The following MINK1 variants were observed in gnomAD, a reference collection of about 807,000 sequenced individuals.
MINK1 encodes the protein misshapen-like kinase 1.
MINK1 carries 46 observed loss-of-function variants against 178.4 expected under a neutral mutation model. The ratio of observed to expected loss-of-function variants is 0.26; its 90% CI spans 0.20 to 0.33. The LOEUF (loss-of-function observed/expected upper bound fraction) is 0.33. MINK1 is among the 10% of genes least tolerant of loss of function. The pLI is 1.00. For synonymous variants in MINK1, 797 were observed against 709.7 expected (o/e 1.12, Z -1.96); for missense variants, 1,366 against 1,814.9 (o/e 0.75, Z 4.49).
chr17:4,859,638 A>G (rs935550665), intron 1 of MINK1, among the ~76,000 whole-genome samples: 3 of 151,994 alleles, frequency 2.0e-5, no homozygotes, highest in African/African-American at 7.3e-5. Flanking sequence ...AAATACAAAA[A>G]TTAGCTGGGT....
intron 1 of MINK1, among the ~76,000 whole-genome samples, chr17:4,848,203 G>A (rs1911332015): frequency 6.6e-6 from 1 of 152,200 alleles, no homozygotes; most frequent in Non-Finnish European, 1.5e-5. Context: ...TGTGAAGACA[G>A]GGAATTGTTC....
rs1309421812 is a variant in MINK1, at chr17:4,895,041, A to C, written c.2918-34A>C. On this transcript the variant is annotated intron_variant, in intron 24 of 31. Coordinates refer to ENST00000355280, the MANE Select transcript of MINK1 (RefSeq NM_153827.5). The surrounding 1 kb of genome is among the most constrained non-coding windows in gnomAD (Gnocchi z 4.3). ...AAAAAGAGATGGGGTGAGAAGCTGC[A>C]GCCCCTCCTCCCACCTCCTCCTCCT... 6.2e-7 allele frequency: 1 copy of C among 1,609,364 alleles called. No homozygotes were observed. Among genetic ancestry groups the C allele is most frequent in the Admixed American group, 1.7e-5 (1 of 59,810 alleles).
In MINK1 at chr17:4,891,103, G is replaced by A; in HGVS notation, c.1719G>A (p.Glu573=). ...SQTPPMQRPV[E]PQEGPHKSLV... ...CTCCTCCTATGCAGAGGCCGGTGGAGCCCCAGGAGGGACCGCACAAGGTGA... is the reference window on the plus strand; with the variant it reads ...CTCCTCCTATGCAGAGGCCGGTGGAACCCCAGGAGGGACCGCACAAGGTGA... Residue 573 remains glutamate (E), a synonymous_variant, in exon 15 of 32, where the codon GAG becomes GAA. Coordinates refer to ENST00000355280, the MANE Select transcript of MINK1 (RefSeq NM_153827.5). The A allele has an allele frequency of 1.3e-6, 2 of 1,541,370 alleles. No homozygotes were observed. The highest frequency in any genetic ancestry group is 8.7e-7 in the Non-Finnish European group (1 of 1,143,888).
chr17:4,879,788 G>A (rs955333891), intron 2 of MINK1, among the ~76,000 whole-genome samples: 5 of 152,306 alleles, frequency 3.3e-5, no homozygotes, highest in Admixed American at 2.6e-4. Flanking sequence ...AGCACATGTC[G>A]GCGGGCCCCT....
intron 1 of MINK1, among the ~76,000 whole-genome samples, chr17:4,869,172 C>T (rs1915489083): frequency 6.6e-6 from 1 of 151,966 alleles, no homozygotes; most frequent in Non-Finnish European, 1.5e-5. Context: ...GATCTGCCTG[C>T]CTCGGCCTCC....
At chr17:4,890,475 G>A (rs757209612) in intron 13 of MINK1, 42 bp from the exon 14 acceptor site, 1 of 1,550,958 alleles carries the variant, frequency 6.4e-7, no homozygotes, top group Admixed American at 1.9e-5. Flanking sequence ...AACTCCCAGG[G>A]CCACACCCTG....
At chr17:4,851,793 G>A (rs1201473558) in intron 1 of MINK1, among the ~76,000 whole-genome samples, 1 of 152,052 alleles carries the variant, frequency 6.6e-6, no homozygotes, top group Non-Finnish European at 1.5e-5. Flanking sequence ...CTGAGGTCAG[G>A]AGTTCAAGAC....
Position 4,897,186 on chromosome 17 carries a change from T to G in MINK1, c.3916-18T>G, listed in dbSNP as rs369057456. The G allele has an allele frequency of 2.2e-5, 35 of 1,611,096 alleles. No homozygotes were observed. In the African/African-American group the frequency reaches 3.2e-4, roughly 15 times the overall value. On this transcript the variant is annotated intron_variant, in intron 31 of 31. Transcript: ENST00000355280. The stretch of plus-strand genomic sequence containing the variant: ...CCCAACCTCAGCCCTTGGTGACTTC[T>G]TCTCCTGCCCCACCCAGGTGTTTTT...
At position 4,891,185 on chromosome 17, in the gene MINK1, TACACACACACGCGCGCACACAC is replaced by T. The variant is rs1968756105; in HGVS notation, c.1740+72_1740+93del. Reference sequence around the variant, plus strand: ...CAGGGAGCTTTGTTCAGAGCACAGGTACACACACACGCGCGCACACACACACACACACACACACACCTGCTCA... The same window carrying T: ...CAGGGAGCTTTGTTCAGAGCACAGGTACACACACACACACACACCTGCTCA... On this transcript the variant is annotated intron_variant, in intron 15 of 31. Coordinates refer to ENST00000355280, the MANE Select transcript of MINK1 (RefSeq NM_153827.5). 2.5e-6 allele frequency: 3 copies of T among 1,208,078 alleles called. No individual in the cohort carries two copies. The South Asian group carries it at 5.1e-5, about 21-fold the overall frequency. The allele number at this position is 1,208,078 out of a possible 1,614,324, so 74.8% of individuals were successfully genotyped here. A position where few individuals can be genotyped will look rare whatever the true frequency, so the allele number is the denominator to read the frequency against.
intron 12 of MINK1, among the ~76,000 whole-genome samples, chr17:4,889,053 T>C (rs888005288): frequency 2.6e-5 from 4 of 152,170 alleles, no homozygotes; most frequent in African/African-American, 7.2e-5. Context: ...GGCAACTTCA[T>C]TGCAGAAGTA....
At chr17:4,878,001 G>A (rs370967428) in intron 1 of MINK1, among the ~76,000 whole-genome samples, 11 of 151,804 alleles carry the variant, frequency 7.2e-5, no homozygotes, top group African/African-American at 2.2e-4. Flanking sequence ...TAGTAGAGAC[G>A]GGGTTTCACC....
At position 4,894,812 on chromosome 17, in the gene MINK1, C is replaced by T; in HGVS notation, c.2917+179C>T. On this transcript the variant is annotated intron_variant, in intron 24 of 31. Transcript: ENST00000355280. The surrounding 1 kb of genome is among the most constrained non-coding windows in gnomAD (Gnocchi z 4.1). Reference sequence around the variant, plus strand: ...CCTCTGAGACCCCTCCTTCCTGTCCCACAGGACAGGAAATGCTCAGAGTTG... The same window carrying T: ...CCTCTGAGACCCCTCCTTCCTGTCCTACAGGACAGGAAATGCTCAGAGTTG... The T allele has an allele frequency of 1.6e-6, 1 of 637,724 alleles. No individual in the cohort carries two copies. The highest frequency in any genetic ancestry group is 1.9e-5 in the South Asian group (1 of 51,628). 39.5% of individuals were successfully genotyped at this position (637,724 alleles called of 1,614,324 possible). A position where few individuals can be genotyped will look rare whatever the true frequency, so the allele number is the denominator to read the frequency against.
chr17:4,885,113 G>GTGAGCCTCCCCA lies in MINK1; in HGVS notation c.508+111_508+112insTGAGCCTCCCCA. The GTGAGCCTCCCCA allele has an allele frequency of 2.0e-6, 2 of 980,332 alleles. No individual in the cohort carries two copies. Among genetic ancestry groups the GTGAGCCTCCCCA allele is most frequent in the Non-Finnish European group, 3.1e-6 (2 of 645,094 alleles). 60.7% of individuals were successfully genotyped at this position (980,332 alleles called of 1,614,324 possible). A position where few individuals can be genotyped will look rare whatever the true frequency, so the allele number is the denominator to read the frequency against. On this transcript the variant is annotated intron_variant, in intron 6 of 31. Coordinates refer to ENST00000355280, the MANE Select transcript of MINK1 (RefSeq NM_153827.5). This position sits in a 1 kb window ranked among gnomAD's most constrained non-coding sequence, Gnocchi z 5.0. ...GGCCCAACTCCCTTCCTACTGGGGA[G>GTGAGCCTCCCCA]GCTCACTCCCTCCCCTTTCCCCTCT...
intron 1 of MINK1, among the ~76,000 whole-genome samples, chr17:4,864,444 C>T (rs1377464648): frequency 6.6e-6 from 1 of 151,562 alleles, no homozygotes; most frequent in African/African-American, 2.4e-5. Context: ...GCTATGGGGG[C>T]CGGGCCTGGT....
chr17:4,878,050 T>G (rs1365715742), intron 1 of MINK1, among the ~76,000 whole-genome samples: 1 of 152,104 alleles, frequency 6.6e-6, no homozygotes, highest in Non-Finnish European at 1.5e-5. Context: ...GACCTCGTGA[T>G]CCACCTGCCT....
chr17:4,871,045 C>A (rs184749377), intron 1 of MINK1: 1 of 355,104 alleles, frequency 2.8e-6, no homozygotes, highest in East Asian at 9.1e-5. Flanking sequence ...CTATTCTGGA[C>A]GTTACACATA....
intron 1 of MINK1, among the ~76,000 whole-genome samples, chr17:4,834,115 C>G (rs1908921224): frequency 6.6e-6 from 1 of 152,122 alleles, no homozygotes; most frequent in African/African-American, 2.4e-5. Flanking sequence ...CTTTCTCTGC[C>G]TCGCCCACCC....
rs973222833 is a variant in MINK1, at chr17:4,894,790, C to T, written c.2917+157C>T. The T allele has an allele frequency of 1.1e-5, 7 of 655,752 alleles. No homozygotes were observed. The highest frequency in any genetic ancestry group is 5.5e-5 in the East Asian group (2 of 36,644). 40.6% of individuals were successfully genotyped at this position (655,752 alleles called of 1,614,324 possible). A position where few individuals can be genotyped will look rare whatever the true frequency, so the allele number is the denominator to read the frequency against. ...TGGGCACAGAGGCAAGGAAGAGCCT[C>T]TGAGACCCCTCCTTCCTGTCCCACA... is the stretch of plus-strand genomic sequence containing the variant. On this transcript the variant is annotated intron_variant, in intron 24 of 31. Coordinates refer to ENST00000355280, the MANE Select transcript of MINK1 (RefSeq NM_153827.5). The surrounding 1 kb of genome is among the most constrained non-coding windows in gnomAD (Gnocchi z 4.1).
Position 4,894,195 on chromosome 17 carries a change from C to T in MINK1, c.2692C>T (p.Leu898=). ...VQRTPEEERN[L]LHADSNGYTN... ...GTAGACCCCTGAAGAGGAGCGGAAC[C>T]TGCTGCATGCTGACAGCAATGGGTA... The change falls in exon 23 of 32, where the codon CTG becomes TTG. Residue 898 remains leucine (L), a synonymous_variant. Transcript: ENST00000355280. This position sits in a 1 kb window ranked among gnomAD's most constrained non-coding sequence, Gnocchi z 4.1. 6.2e-7 allele frequency: 1 copy of T among 1,613,722 alleles called. No homozygotes were observed. Among genetic ancestry groups the T allele is most frequent in the South Asian group, 1.1e-5 (1 of 91,078 alleles).
Sources: gnomAD v4.1 joint callset for allele counts (sites outside exome capture counted in the v4.1 genomes callset) on GRCh38, gnomAD v4.1.1 for gene constraint, Gnocchi (gnomAD v3.1) non-coding constraint, MANE v1.5 for transcripts, NCBI Gene and HGNC (gene_info 2026-07-23, HGNC 2026-07-21) for gene names.